EYS: variants seen among roughly 807,000 people sequenced by gnomAD.
EYS encodes protein eyes shut homolog.
EYS carries 250 observed loss-of-function variants against 282.1 expected under a neutral mutation model. The observed-to-expected ratio is 0.89, with a 90% CI of 0.80 to 0.98. The LOEUF (loss-of-function observed/expected upper bound fraction) is 0.98, where lower values mean the gene tolerates loss of function less well. Among genes scored for constraint, EYS ranks in the 50% least tolerant of loss-of-function variants. The pLI, the probability that EYS is intolerant of heterozygous loss-of-function variation, is 0.00. For missense variants in EYS, 4,016 were observed against 3,709.0 expected, an observed-to-expected ratio of 1.08 and a Z score of -2.15; for synonymous variants, 1,355 against 1,282.9, an observed-to-expected ratio of 1.06 and a Z score of -1.20.
At chr6:64,137,939 G>C (rs1210599942) in intron 31 of EYS, among the ~76,000 whole-genome samples, 3 of 152,134 alleles carry the variant, frequency 2.0e-5, no homozygotes, top group African/African-American at 7.2e-5. Context: ...ACAAAACTCA[G>C]TATATGTGAA....
At chr6:64,322,808 T>C (rs1340947769) in intron 29 of EYS, among the ~76,000 whole-genome samples, 1 of 152,078 alleles carries the variant, frequency 6.6e-6, no homozygotes. Context: ...TTGTTGGTTA[T>C]TATTTCTTCA....
At chr6:64,940,653 T>C (rs1292178739) in intron 15 of EYS, among the ~76,000 whole-genome samples, 2 of 152,104 alleles carry the variant, frequency 1.3e-5, no homozygotes, top group African/African-American at 4.8e-5. Flanking sequence ...TAACTAATCC[T>C]AACTACTGGC....
chr6:65,691,569 A>C (rs999776248), intron 1 of EYS, among the ~76,000 whole-genome samples: 1 of 150,030 alleles, frequency 6.7e-6, no homozygotes, highest in African/African-American at 2.4e-5. Flanking sequence ...TTTGTTGTGC[A>C]GACAATCTTT....
intron 33 of EYS, among the ~76,000 whole-genome samples, chr6:64,000,667 AC>A (rs1768054536): frequency 6.6e-6 from 1 of 152,132 alleles, no homozygotes; most frequent in African/African-American, 2.4e-5. Context: ...AAAACAAAAA[AC>A]AAACCCTAAG....
At chr6:64,471,603 G>A (rs1776123781) in intron 26 of EYS, among the ~76,000 whole-genome samples, 1 of 152,220 alleles carries the variant, frequency 6.6e-6, no homozygotes, top group Non-Finnish European at 1.5e-5. Flanking sequence ...GCAAATGAAA[G>A]GATACTCAAT....
intron 42 of EYS, among the ~76,000 whole-genome samples, chr6:63,722,333 C>G (rs960191267): frequency 2.0e-5 from 3 of 152,170 alleles, no homozygotes; most frequent in African/African-American, 2.4e-5. Flanking sequence ...ACCTGTCCTT[C>G]AGGTTTCAGA....
chr6:65,475,784 CAG>C (rs368165713), intron 5 of EYS, among the ~76,000 whole-genome samples: 123 of 147,554 alleles, frequency 8.3e-4, no homozygotes, highest in East Asian at 4.7e-3. Flanking sequence ...CACACAGAGA[CAG>C]AGAGAGAGAG....
intron 22 of EYS, among the ~76,000 whole-genome samples, chr6:64,652,584 G>T (rs1444805725): frequency 2.6e-5 from 4 of 152,128 alleles, no homozygotes; most frequent in Admixed American, 2.0e-4. Context: ...TGAGACTCTG[G>T]ACAGAGAACC....
intron 15 of EYS, among the ~76,000 whole-genome samples, chr6:64,934,338 G>A (rs1353608989): frequency 6.6e-6 from 1 of 151,714 alleles, no homozygotes; most frequent in East Asian, 1.9e-4. Context: ...AAAAGGGATA[G>A]ATAAATGCTT....
chr6:65,363,542 T>C (rs1764797812), intron 8 of EYS, among the ~76,000 whole-genome samples: 1 of 151,902 alleles, frequency 6.6e-6, no homozygotes, highest in Non-Finnish European at 1.5e-5. Context: ...TTTCATGGCG[T>C]AGACAGACAT....
intron 22 of EYS, among the ~76,000 whole-genome samples, chr6:64,644,169 T>C (rs1483924848): frequency 6.6e-6 from 1 of 152,182 alleles, no homozygotes; most frequent in Non-Finnish European, 1.5e-5. Flanking sequence ...TTCAGTAAAG[T>C]CATTATATAC....
In EYS at chr6:63,758,519, C is replaced by T. The variant is rs192605564; in HGVS notation, c.8071+3942G>A. ...AGTTATATGCTAGGCACTGTGGAGG[C>T]CTCTTTATTTTATTGATTCCTTATC... On this transcript the variant is annotated intron_variant, in intron 41 of 42. Transcript: ENST00000503581. Among the ~76,000 whole-genome samples the T allele has an allele frequency of 1.3e-4, 20 of 151,876 alleles. 1 individual carries two copies. The South Asian group carries it at 1.9e-3, about 14-fold the overall frequency.
chr6:64,968,295 G>T (rs1281316435), intron 14 of EYS, among the ~76,000 whole-genome samples: 1 of 152,056 alleles, frequency 6.6e-6, no homozygotes, highest in Non-Finnish European at 1.5e-5. Context: ...ATTACTCAGT[G>T]ATGCAGTTGT....
At chr6:64,809,665 C>T (rs72648372) in intron 22 of EYS, among the ~76,000 whole-genome samples, 4,166 of 152,108 alleles carry the variant, frequency 0.027, 218 homozygotes, top group East Asian at 0.26. Context: ...AAATTATGCC[C>T]TTTGCAGAAA....
chr6:65,121,786 G>A (rs1257941872), intron 12 of EYS, among the ~76,000 whole-genome samples: 1 of 152,072 alleles, frequency 6.6e-6, no homozygotes, highest in Non-Finnish European at 1.5e-5. Flanking sequence ...AAGCAATTCA[G>A]GTTAGGCTAT....
chr6:64,230,695 T>A lies in EYS; in HGVS notation c.6321A>T (p.Val2107=). The A allele has an allele frequency of 6.4e-7, 1 of 1,551,604 alleles. No homozygotes were observed. The highest frequency in any genetic ancestry group is 8.7e-7 in the Non-Finnish European group (1 of 1,146,904). ...CATGGCATGTGCCTCCATTGTGGCATACATCCTGCTGGCACACAGAGGGTG... is the reference window on the plus strand; with the variant it reads ...CATGGCATGTGCCTCCATTGTGGCAAACATCCTGCTGGCACACAGAGGGTG... ...VAAPSVCQQD[V]CHNGGTCHAI... The change falls in exon 31 of 43, where the codon GTA becomes GTT. Residue 2107 remains valine (V), a synonymous_variant. Coordinates refer to ENST00000503581, the MANE Select transcript of EYS (RefSeq NM_001142800.2).
At chr6:64,991,264 A>AT (rs1284753614) in intron 14 of EYS, among the ~76,000 whole-genome samples, 1 of 151,634 alleles carries the variant, frequency 6.6e-6, no homozygotes, top group African/African-American at 2.4e-5. Flanking sequence ...TTGTAGGCAG[A>AT]TTTTATTCTA....
At chr6:63,789,851 C>T (rs917751131) in intron 37 of EYS, among the ~76,000 whole-genome samples, 2 of 152,152 alleles carry the variant, frequency 1.3e-5, no homozygotes, top group African/African-American at 4.8e-5. Context: ...TTCTTAAAGA[C>T]CCACGGGACA....
At chr6:63,952,708 G>T (rs1582021711) in intron 35 of EYS, among the ~76,000 whole-genome samples, 2 of 152,012 alleles carry the variant, frequency 1.3e-5, no homozygotes, top group South Asian at 4.1e-4. Flanking sequence ...CCTCATTGCT[G>T]CCCTTTTCCC....
Sources: gnomAD v4.1 joint callset for allele counts (sites outside exome capture counted in the v4.1 genomes callset) on GRCh38, gnomAD v4.1.1 for gene constraint, MANE v1.5 for transcripts, NCBI Gene and HGNC (gene_info 2026-07-23, HGNC 2026-07-21) for gene names.